Variants in TINAG observed in about 807,000 individuals in gnomAD.
The protein encoded by TINAG is tubulointerstitial nephritis antigen.
TINAG carries 83 observed loss-of-function variants against 72.7 expected under a neutral mutation model. That is an observed-to-expected ratio of 1.14 (90% CI 0.96 to 1.37). The LOEUF (loss-of-function observed/expected upper bound fraction) is 1.37. TINAG is among the 40% of genes most tolerant of loss of function. The pLI is 0.00. For synonymous variants in TINAG, 234 were observed against 189.9 expected (o/e 1.23, Z -1.91); for missense variants, 685 against 576.6 (o/e 1.19, Z -1.93).
At chr6:54,311,889 C>A (rs970945002) in intron 1 of TINAG, among the ~76,000 whole-genome samples, 2 of 152,058 alleles carry the variant, frequency 1.3e-5, no homozygotes, top group Non-Finnish European at 2.9e-5. Context: ...TTGAAGATAG[C>A]TGAACTCTGT....
intron 1 of TINAG, among the ~76,000 whole-genome samples, chr6:54,319,163 A>C (rs529375185): frequency 1.8e-4 from 27 of 152,244 alleles, no homozygotes; most frequent in African/African-American, 6.5e-4. Context: ...AGGTATGATT[A>C]AAAATCAGCT....
rs369523574 is a variant in TINAG at position 54,343,265 on chromosome 6, G to A, written c.664G>A (p.Val222Ile). 122 of 1,582,692 alleles carry A rather than the reference G, an allele frequency of 7.7e-5. No individual in the cohort carries two copies. Among genetic ancestry groups the A allele is most frequent in the East Asian group, 7.1e-4 (31 of 43,530 alleles). ...AACAACTGATCTTCCAGAGTTTTTT[G>A]TTGCTTCTTATAAATGGCCTGGATG... is the stretch of plus-strand genomic sequence containing the variant. ...PATTDLPEFFVASYKWPGWTH... is the reference protein window; with the variant it reads ...PATTDLPEFFIASYKWPGWTH... The change falls in exon 5 of 11, where the codon GTT becomes ATT. Residue 222 changes from valine to isoleucine, a missense_variant. Val to Ile is a conservative substitution (Grantham distance 29, BLOSUM62 3). Coordinates refer to ENST00000259782, the MANE Select transcript of TINAG (RefSeq NM_014464.4).
At chr6:54,380,965 G>A (rs1763928847) in intron 10 of TINAG, among the ~76,000 whole-genome samples, 1 of 143,656 alleles carries the variant, frequency 7.0e-6, no homozygotes, top group Admixed American at 7.0e-5. Context: ...ATATCCTATA[G>A]GATATAACCT....
chr6:54,325,695 T>G (rs760267431), intron 3 of TINAG, among the ~76,000 whole-genome samples: 11 of 152,212 alleles, frequency 7.2e-5, no homozygotes, highest in Non-Finnish European at 1.5e-4. Flanking sequence ...TGAAAACTAC[T>G]AACATAGGGC....
intron 9 of TINAG, among the ~76,000 whole-genome samples, chr6:54,361,515 A>G (rs538234356): frequency 6.6e-6 from 1 of 151,718 alleles, no homozygotes; most frequent in African/African-American, 2.4e-5. Context: ...TCACTATTAC[A>G]AGAACAGTAA....
chr6:54,317,588 C>T (rs941400544), intron 1 of TINAG, among the ~76,000 whole-genome samples: 1 of 152,114 alleles, frequency 6.6e-6, no homozygotes, highest in Non-Finnish European at 1.5e-5. Flanking sequence ...TCTATTAAAC[C>T]TCTTTCTTTT....
intron 3 of TINAG, 44 bp downstream of exon 3, chr6:54,321,430 A>G: frequency 7.4e-7 from 1 of 1,350,198 alleles, no homozygotes. Context: ...ACTGCCATTT[A>G]CTATGCAGGT....
chr6:54,355,532 C>T (rs1763009647), intron 9 of TINAG, among the ~76,000 whole-genome samples: 1 of 151,806 alleles, frequency 6.6e-6, no homozygotes, highest in Non-Finnish European at 1.5e-5. Context: ...GTTGTCCTTC[C>T]TTTATTTTAA....
intron 5 of TINAG, among the ~76,000 whole-genome samples, chr6:54,345,925 C>T (rs1231027254): frequency 6.6e-6 from 1 of 151,650 alleles, no homozygotes; most frequent in Non-Finnish European, 1.5e-5. Flanking sequence ...AGGACACTAA[C>T]AATTTTGATG....
At chr6:54,358,600 T>A (rs1283193606) in intron 9 of TINAG, among the ~76,000 whole-genome samples, 1 of 151,698 alleles carries the variant, frequency 6.6e-6, no homozygotes, top group African/African-American at 2.4e-5. Context: ...TCAGCTTCGA[T>A]TCAAGTTTGT....
At chr6:54,357,513 T>C (rs79515754) in intron 9 of TINAG, among the ~76,000 whole-genome samples, 186 of 152,070 alleles carry the variant, frequency 1.2e-3, no homozygotes, top group Admixed American at 3.0e-3. Flanking sequence ...CCTGATCTTC[T>C]CCCTTTATTC....
chr6:54,385,408 AT>A (rs1764069840), intron 10 of TINAG, among the ~76,000 whole-genome samples: 2 of 152,070 alleles, frequency 1.3e-5, no homozygotes, highest in South Asian at 4.1e-4. Context: ...AAATGGATAA[AT>A]TTATCAGAAA....
chr6:54,310,468 TTCTC>T (rs1264309694), intron 1 of TINAG, among the ~76,000 whole-genome samples: 14 of 145,926 alleles, frequency 9.6e-5, no homozygotes, highest in Non-Finnish European at 2.0e-4. Flanking sequence ...TCTCCCTCCT[TTCTC>T]CCTCCCTCTC....
intron 9 of TINAG, among the ~76,000 whole-genome samples, chr6:54,359,084 T>A (rs558798097): frequency 9.5e-4 from 144 of 152,004 alleles, no homozygotes; most frequent in African/African-American, 3.4e-3. Flanking sequence ...TTTGAAATTA[T>A]GACCATTTGT....
intron 9 of TINAG, chr6:54,367,274 G>A (rs866063107): frequency 6.6e-6 from 1 of 151,684 alleles, no homozygotes; most frequent in African/African-American, 2.4e-5. Context: ...TCTGAGTTTA[G>A]GAACTGTGAC....
At position 54,310,652 on chromosome 6, in the gene TINAG, CTCTT is replaced by C. The variant is rs1329159211; in HGVS notation, c.355+1753_355+1756del. Among the ~76,000 whole-genome samples the C allele has an allele frequency of 2.1e-5, 3 of 143,230 alleles. No homozygotes were observed. In the East Asian group the frequency reaches 6.4e-4, roughly 31 times the overall value. The allele number at this position is 143,230 out of a possible 152,430, so 94.0% of individuals were successfully genotyped here. On this transcript the variant is annotated intron_variant, in intron 1 of 10. Coordinates refer to ENST00000259782, the MANE Select transcript of TINAG (RefSeq NM_014464.4). ...CCTTCCTTCCTCCCTCTCTTTCTTTCTCTTTCTTTTTCTCTCTTTCTCTCCCTCT... is the reference window on the plus strand; with the variant it reads ...CCTTCCTTCCTCCCTCTCTTTCTTTCTCTTTTTCTCTCTTTCTCTCCCTCT...
intron 4 of TINAG, among the ~76,000 whole-genome samples, chr6:54,335,707 T>C (rs1784849252): frequency 6.6e-6 from 1 of 152,174 alleles, no homozygotes; most frequent in Non-Finnish European, 1.5e-5. Context: ...CAATATGTGA[T>C]ATCAAACTGC....
At chr6:54,388,585 G>A (rs1400700432) in intron 10 of TINAG, among the ~76,000 whole-genome samples, 2 of 152,128 alleles carry the variant, frequency 1.3e-5, no homozygotes, top group Non-Finnish European at 2.9e-5. Context: ...GGAGGCGAGT[G>A]TGAGAGCTGT....
chr6:54,348,129 G>GTT (rs1353309832), intron 6 of TINAG, among the ~76,000 whole-genome samples: 1 of 152,068 alleles, frequency 6.6e-6, no homozygotes, highest in Non-Finnish European at 1.5e-5. Flanking sequence ...GATAAAGAGT[G>GTT]TTATATATAT....
Sources: allele counts gnomAD v4.1 joint callset (sites outside exome capture counted in the v4.1 genomes callset), GRCh38; gene constraint gnomAD v4.1.1; transcripts MANE v1.5; gene names NCBI Gene and HGNC (gene_info 2026-07-23, HGNC 2026-07-21).